The following AK9 variants were observed in gnomAD, a reference collection of about 807,000 sequenced individuals.
AK9 encodes the protein adenylate kinase domain containing 1.
In AK9, 191 loss-of-function variants were observed where a neutral mutation model predicts 239.6. That is an observed-to-expected ratio of 0.80 (90% CI 0.71 to 0.90). The LOEUF (loss-of-function observed/expected upper bound fraction) is 0.90. AK9 is among the 40% of genes least tolerant of loss of function. The pLI is 0.00. For synonymous variants in AK9, 689 were observed against 721.0 expected (o/e 0.96, Z 0.71); for missense variants, 1,995 against 2,214.7 (o/e 0.90, Z 1.99).
intron 28 of AK9, among the ~76,000 whole-genome samples, chr6:109,530,860 T>A (rs888733793): frequency 2.0e-5 from 3 of 152,102 alleles, no homozygotes; most frequent in African/African-American, 7.2e-5. Flanking sequence ...CTGGCCAACA[T>A]GGTGAAACCC....
chr6:109,594,220 T>G (rs1356234598), intron 17 of AK9, among the ~76,000 whole-genome samples: 2 of 152,026 alleles, frequency 1.3e-5, no homozygotes, highest in African/African-American at 4.8e-5. Context: ...TATACACCAA[T>G]AATAGACAAA....
intron 17 of AK9, 60 bp from the exon 18 acceptor site, chr6:109,586,132 T>G: frequency 7.6e-7 from 1 of 1,320,408 alleles, no homozygotes; most frequent in Non-Finnish European, 1.0e-6. Context: ...GATGCAACCT[T>G]GATATGTAAT....
rs2115377961 is a variant in AK9 at position 109,493,238 on chromosome 6, G to C, written c.*131C>G. On this transcript the variant is annotated 3_prime_UTR_variant, in exon 41 of 41. Coordinates refer to ENST00000424296, the MANE Select transcript of AK9 (RefSeq NM_001145128.3). Reference sequence around the variant, plus strand: ...AGACCTTTGAGTTCACCTGAAGTCTGGCAGCCATGGTACCTTGCTCAGGAG... The same window carrying C: ...AGACCTTTGAGTTCACCTGAAGTCTCGCAGCCATGGTACCTTGCTCAGGAG... 1 of 878,100 alleles carries C rather than the reference G, an allele frequency of 1.1e-6. No individual in the cohort carries two copies. Among genetic ancestry groups the C allele is most frequent in the East Asian group, 2.5e-5 (1 of 40,606 alleles). 54.4% of individuals were successfully genotyped at this position (878,100 alleles called of 1,614,324 possible). A position where few individuals can be genotyped will look rare whatever the true frequency, so the allele number is the denominator to read the frequency against.
intron 17 of AK9, among the ~76,000 whole-genome samples, chr6:109,610,141 T>C (rs1793399418): frequency 1.3e-5 from 2 of 152,228 alleles, no homozygotes; most frequent in African/African-American, 4.8e-5. Context: ...AGCATAAAGT[T>C]ATATTACATA....
intron 12 of AK9, among the ~76,000 whole-genome samples, chr6:109,622,536 TTAA>T (rs1795003686): frequency 6.9e-6 from 1 of 144,658 alleles, no homozygotes; most frequent in South Asian, 2.1e-4. Context: ...CAATAATATA[TTAA>T]TATTAAATTG....
At chr6:109,636,121 G>C (rs543414700) in intron 10 of AK9, among the ~76,000 whole-genome samples, 1 of 152,122 alleles carries the variant, frequency 6.6e-6, no homozygotes, top group African/African-American at 2.4e-5. Flanking sequence ...TGTGTGACTC[G>C]AAAGCCAAAA....
chr6:109,584,448 C>A (rs1789236198), intron 19 of AK9, among the ~76,000 whole-genome samples: 2 of 152,050 alleles, frequency 1.3e-5, no homozygotes, highest in African/African-American at 2.4e-5. Flanking sequence ...TCCCAGTGGA[C>A]AAATTAAAAC....
intron 24 of AK9, chr6:109,550,553 C>T (rs1784239674): frequency 1.6e-5 from 5 of 308,708 alleles, no homozygotes; most frequent in Non-Finnish European, 2.9e-5. Flanking sequence ...TGCCTCCAGT[C>T]CTCTACCAAC....
At chr6:109,557,672 G>T (rs1051136918) in intron 24 of AK9, among the ~76,000 whole-genome samples, 6 of 152,186 alleles carry the variant, frequency 3.9e-5, no homozygotes, top group African/African-American at 1.4e-4. Flanking sequence ...TTTCCAATTT[G>T]GAGCTATTAC....
chr6:109,545,668 T>A lies in AK9; in HGVS notation c.3225+199A>T, dbSNP rs117117340. Reference sequence around the variant, plus strand: ...TTGTAAATTGCCTGGTCTCGGTATGTCTTTGTCAGCAGTGTGAAAATGGAC... The same window carrying A: ...TTGTAAATTGCCTGGTCTCGGTATGACTTTGTCAGCAGTGTGAAAATGGAC... On this transcript the variant is annotated intron_variant, in intron 26 of 40. Coordinates refer to ENST00000424296, the MANE Select transcript of AK9 (RefSeq NM_001145128.3). Among the ~76,000 whole-genome samples, 966 of 152,198 alleles carry A rather than the reference T, an allele frequency of 6.3e-3. 20 individuals are homozygous for A. The highest frequency in any genetic ancestry group is 0.053 in the East Asian group (275 of 5,168).
At chr6:109,551,879 T>G (rs569208669) in intron 24 of AK9, among the ~76,000 whole-genome samples, 2 of 152,040 alleles carry the variant, frequency 1.3e-5, no homozygotes, top group Admixed American at 6.5e-5. Context: ...CGTTCCTTCC[T>G]CTTAACCCCA....
intron 8 of AK9, among the ~76,000 whole-genome samples, chr6:109,647,757 A>C (rs1798284240): frequency 6.6e-6 from 1 of 151,182 alleles, no homozygotes. Flanking sequence ...CATCTACAGA[A>C]CTCTCCACCC....
chr6:109,564,914 C>T, intron 21 of AK9, 69 bp from the exon 22 acceptor site: 1 of 1,205,314 alleles, frequency 8.3e-7, no homozygotes, highest in Non-Finnish European at 1.1e-6. Flanking sequence ...AGTTTTGGCA[C>T]AAAGAACATT....
chr6:109,521,964 A>C (rs1418461935), intron 29 of AK9, among the ~76,000 whole-genome samples: 1 of 152,038 alleles, frequency 6.6e-6, no homozygotes, highest in Non-Finnish European at 1.5e-5. Context: ...CTTTTCAGGA[A>C]GAATATAAAA....
chr6:109,610,300 T>C (rs2128238696), intron 17 of AK9, 65 bp downstream of exon 17: 2 of 1,486,950 alleles, frequency 1.3e-6, no homozygotes, highest in African/African-American at 1.4e-5. Context: ...TACACACATA[T>C]TAGATTAACA....
At chr6:109,532,806 C>A (rs540730789) in intron 28 of AK9, among the ~76,000 whole-genome samples, 6 of 144,982 alleles carry the variant, frequency 4.1e-5, no homozygotes, top group African/African-American at 1.2e-4. Flanking sequence ...TTTTGAACAT[C>A]TTATGGAATA....
chr6:109,614,498 G>A lies in AK9; in HGVS notation c.1400-18C>T, dbSNP rs1793933292. ...TGTTTCAGCTGAAATATAACAATGG[G>A]TGGTGTTAGCAAAACGTAGTTGGGG... On this transcript the variant is annotated intron_variant, in intron 13 of 40. Coordinates refer to ENST00000424296, the MANE Select transcript of AK9 (RefSeq NM_001145128.3). 6.5e-6 allele frequency: 10 copies of A among 1,545,712 alleles called. No homozygotes were observed. The highest frequency in any genetic ancestry group is 2.4e-5 in the East Asian group (1 of 40,872).
chr6:109,569,112 T>C (rs1328643023), intron 21 of AK9, among the ~76,000 whole-genome samples: 1 of 151,954 alleles, frequency 6.6e-6, no homozygotes, highest in Non-Finnish European at 1.5e-5. Context: ...ATAGAGCCCC[T>C]GGAAATAATA....
chr6:109,521,425 C>T (rs1360779689), intron 29 of AK9, among the ~76,000 whole-genome samples: 1 of 149,090 alleles, frequency 6.7e-6, no homozygotes, highest in African/African-American at 2.4e-5. Flanking sequence ...TTTTATTGAG[C>T]TGTCCTCTTT....
Sources: gnomAD v4.1 joint callset for allele counts (sites outside exome capture counted in the v4.1 genomes callset) on GRCh38, gnomAD v4.1.1 for gene constraint, MANE v1.5 for transcripts, NCBI Gene and HGNC (gene_info 2026-07-23, HGNC 2026-07-21) for gene names.